The following KDM7A variants were observed in gnomAD, a reference collection of about 807,000 sequenced individuals.
The protein encoded by KDM7A is lysine-specific demethylase 7A.
KDM7A carries 28 observed loss-of-function variants against 114.8 expected under a neutral mutation model. That is an observed-to-expected ratio of 0.24 (90% CI 0.18 to 0.33). The LOEUF is 0.33. Among genes scored for constraint, KDM7A ranks in the 10% least tolerant of loss-of-function variants. The probability of loss-of-function intolerance (pLI) is 1.00; values close to 1 mark genes in which losing one functional copy is unlikely to be tolerated. For synonymous variants in KDM7A, 423 were observed against 397.8 expected, an observed-to-expected ratio of 1.06 and a Z score of -0.75; for missense variants, 942 against 1,142.5, an observed-to-expected ratio of 0.82 and a Z score of 2.53.
chr7:140,161,209 G>A (rs1035228156), intron 1 of KDM7A, among the ~76,000 whole-genome samples: 7 of 152,236 alleles, frequency 4.6e-5, no homozygotes, highest in Non-Finnish European at 7.3e-5. Context: ...TGTAGCATAT[G>A]TGACAAGTGA....
In KDM7A at chr7:140,129,636, A is replaced by G. The variant is rs771861737; in HGVS notation, c.416T>C (p.Ile139Thr). ...TGTCAGCTGGCTGCCATGCATCTTT[A>G]TAATTATTTCATCGGCACTAAGGAA... ...RVFPSADEII[I>T]KMHGSQLTQR... Residue 139 changes from isoleucine (I) to threonine (T), a missense_variant, in exon 4 of 20, where the codon ATA becomes ACA. Around this residue, in one of 4 missense-constraint regions of KDM7A, gnomAD observed 318 missense variants for 453.1 expected, o/e 0.70. Transcript: ENST00000397560. 3 of 1,608,128 alleles carry G rather than the reference A, an allele frequency of 1.9e-6. No homozygotes were observed. The highest frequency in any genetic ancestry group is 2.7e-5 in the African/African-American group (2 of 74,754).
In KDM7A at chr7:140,088,726, G is replaced by C. The variant is rs890637554; in HGVS notation, c.*2368C>G. ...TTTTCTAACTTAGCCACTTATTAAGGGGCTAAAACTACTAAAAATGAATCC... is the reference window on the plus strand; with the variant it reads ...TTTTCTAACTTAGCCACTTATTAAGCGGCTAAAACTACTAAAAATGAATCC... On this transcript the variant is annotated 3_prime_UTR_variant, in exon 20 of 20. Transcript: ENST00000397560. The C allele has an allele frequency of 1.0e-5, 4 of 386,194 alleles. No individual in the cohort carries two copies. The highest frequency in any genetic ancestry group is 8.3e-5 in the African/African-American group (4 of 48,242). 23.9% of individuals were successfully genotyped at this position (386,194 alleles called of 1,614,324 possible).
At chr7:140,164,275 G>A (rs1307056498) in intron 1 of KDM7A, among the ~76,000 whole-genome samples, 1 of 152,146 alleles carries the variant, frequency 6.6e-6, no homozygotes, top group Non-Finnish European at 1.5e-5. Flanking sequence ...GACGGGGGGA[G>A]GGTTAAAGAC....
chr7:140,125,188 T>A (rs528728356), intron 6 of KDM7A, among the ~76,000 whole-genome samples: 1 of 152,208 alleles, frequency 6.6e-6, no homozygotes, highest in Non-Finnish European at 1.5e-5. Flanking sequence ...ATAAATAAGC[T>A]TCCTTTAATA....
chr7:140,126,367 G>C (rs1424473909), intron 6 of KDM7A, among the ~76,000 whole-genome samples: 1 of 151,716 alleles, frequency 6.6e-6, no homozygotes, highest in Non-Finnish European at 1.5e-5. Context: ...AAATCAAGAA[G>C]AGACAAAAGC....
chr7:140,153,384 G>C (rs1025265258), intron 1 of KDM7A, among the ~76,000 whole-genome samples: 1 of 151,806 alleles, frequency 6.6e-6, no homozygotes, highest in Non-Finnish European at 1.5e-5. Flanking sequence ...TACTCAGGAG[G>C]CTGAGGCAGG....
chr7:140,174,406 TC>T (rs1252294210), intron 1 of KDM7A, among the ~76,000 whole-genome samples: 1 of 152,164 alleles, frequency 6.6e-6, no homozygotes, highest in African/African-American at 2.4e-5. Context: ...GGCCTTGCTC[TC>T]CCTCCTTCCC....
chr7:140,126,616 C>A, intron 6 of KDM7A, 21 bp downstream of exon 6: 1 of 1,520,756 alleles, frequency 6.6e-7, no homozygotes. Context: ...AGTGAGAGAA[C>A]AAAAAATACC....
chr7:140,097,615 A>G lies in KDM7A; in HGVS notation c.1946T>C (p.Leu649Pro). 6.2e-7 allele frequency: 1 copy of G among 1,605,570 alleles called. No homozygotes were observed. Among genetic ancestry groups the G allele is most frequent in the Non-Finnish European group, 8.5e-7 (1 of 1,172,378 alleles). ...NGFFTRVKSE[L>P]RSRSSGYSDI... ...AGAATATCCTGATGATCTACTCCTG[A>G]GTTCTGATTTCACACGTGTAAAAAA... is the stretch of plus-strand genomic sequence containing the variant. Residue 649 changes from leucine to proline, a missense_variant, in exon 15 of 20, where the codon CTC (leucine) becomes CCC (proline). Coordinates refer to ENST00000397560, the MANE Select transcript of KDM7A (RefSeq NM_030647.2).
chr7:140,114,765 C>T (rs553958878), intron 9 of KDM7A, among the ~76,000 whole-genome samples: 70 of 148,726 alleles, frequency 4.7e-4, no homozygotes, highest in Non-Finnish European at 8.5e-4. Flanking sequence ...ATGTGGGGAG[C>T]GCCTCTGCCC....
In KDM7A at chr7:140,101,971, C is replaced by G. The variant is rs763990482; in HGVS notation, c.1618G>C (p.Glu540Gln). ...CTTGCCTCTTCCCATGGACACATCT[C>G]TAATCTTTTGAGGACCTCCCTTGTG... ...LHTREVLKRLEMCPWEEDILS... is the reference protein window; with the variant it reads ...LHTREVLKRLQMCPWEEDILS... Residue 540 changes from glutamate to glutamine, a missense_variant, in exon 12 of 20, where the codon GAG (glutamate) becomes CAG (glutamine). By Grantham distance (29) the Glu-to-Gln change is conservative (BLOSUM62 2). Around this residue, in one of 4 missense-constraint regions of KDM7A, gnomAD observed 512 missense variants for 576.6 expected, o/e 0.89. Coordinates refer to ENST00000397560, the MANE Select transcript of KDM7A (RefSeq NM_030647.2). 9.9e-6 allele frequency: 16 copies of G among 1,612,454 alleles called. No homozygotes were observed. The highest frequency in any genetic ancestry group is 1.3e-5 in the Non-Finnish European group (15 of 1,178,598).
At chr7:140,133,460 T>TTGCCTTTATATAA (rs1818821741) in intron 3 of KDM7A, 79 bp downstream of exon 3, 1 of 794,304 alleles carries the variant, frequency 1.3e-6, no homozygotes, top group East Asian at 2.5e-5. Context: ...TTTGAAAACA[T>TTGCCTTTATATAA]TGCCTTTATA....
chr7:140,155,956 A>C (rs1265246629), intron 1 of KDM7A, among the ~76,000 whole-genome samples: 1 of 152,244 alleles, frequency 6.6e-6, no homozygotes, highest in Non-Finnish European at 1.5e-5. Flanking sequence ...ATGTATGTAG[A>C]CCATATCATT....
intron 10 of KDM7A, among the ~76,000 whole-genome samples, chr7:140,111,678 G>T (rs1053078376): frequency 6.6e-6 from 1 of 152,184 alleles, no homozygotes; most frequent in Admixed American, 6.5e-5. Context: ...AAAGGGGAAG[G>T]CCGGGCGCAG....
At chr7:140,160,686 C>T (rs1040910299) in intron 1 of KDM7A, among the ~76,000 whole-genome samples, 4 of 152,094 alleles carry the variant, frequency 2.6e-5, no homozygotes, top group South Asian at 2.1e-4. Flanking sequence ...GACTTTGGAG[C>T]TTTAAGAGAA....
chr7:140,119,407 T>G (rs559080118), intron 8 of KDM7A, among the ~76,000 whole-genome samples, 188 bp from the exon 9 acceptor site: 5 of 152,194 alleles, frequency 3.3e-5, no homozygotes, highest in Non-Finnish European at 7.4e-5. Flanking sequence ...CTTTAAGGAA[T>G]TTGATGGTAT....
intron 4 of KDM7A, among the ~76,000 whole-genome samples, chr7:140,128,908 A>T (rs972206604): frequency 6.6e-6 from 1 of 152,240 alleles, no homozygotes; most frequent in African/African-American, 2.4e-5. Context: ...CAAGGGGTAT[A>T]GGGGATCCCC....
chr7:140,092,091 A>C lies in KDM7A; in HGVS notation c.2458-14T>G. 1.9e-6 allele frequency: 3 copies of C among 1,613,434 alleles called. No homozygotes were observed. The highest frequency in any genetic ancestry group is 2.5e-6 in the Non-Finnish European group (3 of 1,179,560). The stretch of plus-strand genomic sequence containing the variant: ...TCTACTTAGATCCTGAAGGAGGAGG[A>C]AGGACATGAGGCTGAATTTTTAGGG... On this transcript the variant is annotated splice_polypyrimidine_tract_variant and intron_variant, in intron 18 of 19. Coordinates refer to ENST00000397560, the MANE Select transcript of KDM7A (RefSeq NM_030647.2).
rs1416954621 is a variant in KDM7A at position 140,097,060 on chromosome 7, T to C, written c.2017-13A>G. The C allele has an allele frequency of 1.2e-5, 19 of 1,601,544 alleles. No homozygotes were observed. Among genetic ancestry groups the C allele is most frequent in the Non-Finnish European group, 1.6e-5 (19 of 1,172,342 alleles). On this transcript the variant is annotated splice_polypyrimidine_tract_variant and intron_variant, in intron 15 of 19. Transcript: ENST00000397560. ...TAAAGATACTTTTCTGAGATGATAA[T>C]TACATGGAAACAAAGCTACATAAGA...
Sources: gnomAD v4.1 joint callset for allele counts (sites outside exome capture counted in the v4.1 genomes callset) on GRCh38, gnomAD v4.1.1 for gene constraint, gnomAD v4.1.1 regional missense constraint, MANE v1.5 for transcripts, NCBI Gene and HGNC (gene_info 2026-07-23, HGNC 2026-07-21) for gene names.